Variants in CACNA1C observed in about 807,000 individuals in gnomAD.
CACNA1C encodes the protein calcium voltage-gated channel subunit alpha1 C.
A neutral mutation model predicts 229.0 loss-of-function variants in CACNA1C; 30 were observed. The observed-to-expected ratio is 0.13, with a 90% CI of 0.10 to 0.18. The LOEUF is 0.18. Ranked by LOEUF, CACNA1C falls within the 10% of genes least tolerant of loss-of-function variation. The pLI is 1.00. For synonymous variants in CACNA1C, 1,114 were observed against 1,132.5 expected, an observed-to-expected ratio of 0.98 and a Z score of 0.33; for missense variants, 1,658 against 2,845.0, an observed-to-expected ratio of 0.58 and a Z score of 9.49.
chr12:2,126,119 G>T (rs994855339), intron 3 of CACNA1C, among the ~76,000 whole-genome samples: 2 of 150,702 alleles, frequency 1.3e-5, no homozygotes, highest in Admixed American at 1.3e-4. Context: ...TTCCAGAATA[G>T]AGTTTTTTTT....
intron 1 of CACNA1C, among the ~76,000 whole-genome samples, chr12:1,987,728 C>A (rs550384728): frequency 6.6e-6 from 1 of 152,340 alleles, no homozygotes; most frequent in South Asian, 2.1e-4. Context: ...GATACACACA[C>A]ATACAACCCC....
intron 3 of CACNA1C, among the ~76,000 whole-genome samples, chr12:2,317,376 G>A (rs989449872): frequency 3.3e-5 from 5 of 152,300 alleles, no homozygotes; most frequent in African/African-American, 1.2e-4. Context: ...GACATGACGC[G>A]AAGAGAAATT....
chr12:2,191,767 C>T, intron 3 of CACNA1C, among the ~76,000 whole-genome samples: 1 of 151,196 alleles, frequency 6.6e-6, no homozygotes, highest in South Asian at 2.1e-4. Flanking sequence ...CACAGGCACA[C>T]CTCCACAGGC....
At chr12:2,355,511 AT>A (rs2097335728) in intron 3 of CACNA1C, among the ~76,000 whole-genome samples, 1 of 152,004 alleles carries the variant, frequency 6.6e-6, no homozygotes. Flanking sequence ...CTGCTGCTGT[AT>A]TTTTTCCTTA....
chr12:2,204,943 A>T (rs1246442755), intron 3 of CACNA1C, among the ~76,000 whole-genome samples: 13 of 131,190 alleles, frequency 9.9e-5, no homozygotes, highest in South Asian at 2.6e-4. Context: ...TTAATAAAAA[A>T]AAATAAATTA....
chr12:2,226,160 CACACACACACACAG>C (rs2062952401), intron 3 of CACNA1C, among the ~76,000 whole-genome samples: 1 of 151,266 alleles, frequency 6.6e-6, no homozygotes, highest in South Asian at 2.1e-4. Context: ...CACACACACA[CACACACACACACAG>C]TTTTCTTCAT....
In CACNA1C at chr12:2,647,945, T is replaced by G. The variant is rs2153635859; in HGVS notation, c.3913-530T>G. On this transcript the variant is annotated intron_variant, in intron 30 of 46. Coordinates refer to ENST00000399655, the MANE Select transcript of CACNA1C (RefSeq NM_000719.7). The surrounding 1 kb of genome is among the most constrained non-coding windows in gnomAD (Gnocchi z 4.2). ...GAGTTTGAGACCAGCCTGGGCAGTA[T>G]AGTGAGACCCTGTCTCTAAAAAAAT... Among the ~76,000 whole-genome samples the G allele has an allele frequency of 6.6e-6, 1 of 152,190 alleles. No homozygotes were observed. The highest frequency in any genetic ancestry group is 2.1e-4 in the South Asian group (1 of 4,824).
At chr12:2,239,289 G>A (rs955165854) in intron 3 of CACNA1C, among the ~76,000 whole-genome samples, 17 of 152,046 alleles carry the variant, frequency 1.1e-4, no homozygotes, top group African/African-American at 3.9e-4. Context: ...ATCGGGTACC[G>A]TGTCAGTCAC....
chr12:2,324,711 TAAAC>T (rs1193681804), intron 3 of CACNA1C, among the ~76,000 whole-genome samples: 1 of 151,860 alleles, frequency 6.6e-6, no homozygotes, highest in Non-Finnish European at 1.5e-5. Flanking sequence ...GCAAAGGAAA[TAAAC>T]AGGCCTCCAT....
intron 1 of CACNA1C, among the ~76,000 whole-genome samples, chr12:2,024,148 G>C (rs1481548561): frequency 6.6e-6 from 1 of 152,170 alleles, no homozygotes; most frequent in African/African-American, 2.4e-5. Flanking sequence ...TATTTACCTA[G>C]ATCTTTTCAT....
At chr12:1,994,600 T>C (rs747671732) in intron 1 of CACNA1C, among the ~76,000 whole-genome samples, 2 of 152,226 alleles carry the variant, frequency 1.3e-5, no homozygotes, top group Non-Finnish European at 2.9e-5. Flanking sequence ...AGGGGTCTTC[T>C]GGAACTGTCA....
chr12:2,527,667 A>T (rs1188396161), intron 9 of CACNA1C, among the ~76,000 whole-genome samples: 1 of 152,238 alleles, frequency 6.6e-6, no homozygotes, highest in Non-Finnish European at 1.5e-5. Flanking sequence ...AGTCTCAATG[A>T]ATTTACTAAT....
At chr12:1,976,341 C>T (rs1205370208) in intron 1 of CACNA1C, among the ~76,000 whole-genome samples, 1 of 152,148 alleles carries the variant, frequency 6.6e-6, no homozygotes, top group East Asian at 1.9e-4. Context: ...GATTCAGTGA[C>T]CACATTATGA....
intron 1 of CACNA1C, among the ~76,000 whole-genome samples, chr12:2,111,472 T>G (rs1446312818): frequency 2.6e-5 from 4 of 151,474 alleles, no homozygotes; most frequent in African/African-American, 9.7e-5. Context: ...CTGGGACTCT[T>G]GGTTTTTGGA....
Position 2,053,866 on chromosome 12 carries a change from G to A in CACNA1C, c.49+255G>A, listed in dbSNP as rs11062092. Among the ~76,000 whole-genome samples, 150,280 of 150,436 alleles carry A rather than the reference G, an allele frequency of 1. 75,063 individuals are homozygous for A. The highest frequency in any genetic ancestry group is 1 in the Middle Eastern group (292 of 292). On this transcript the variant is annotated intron_variant, in intron 1 of 46. Coordinates refer to ENST00000399655, the MANE Select transcript of CACNA1C (RefSeq NM_000719.7). The surrounding 1 kb of genome is among the most constrained non-coding windows in gnomAD (Gnocchi z 5.8). ...AGCTTCTCCAGAGCATGTGTTTCCT[G>A]TGAAATTCCAGGCGAGGGGGGAAAA...
chr12:2,004,134 T>C, intron 1 of CACNA1C: 5 of 1,090,568 alleles, frequency 4.6e-6, no homozygotes, highest in South Asian at 3.1e-5. Flanking sequence ...AGACCCCATC[T>C]CCACAACTTC....
rs369690952 is a variant in CACNA1C, at chr12:2,688,638, C to T, written c.5976C>T (p.Cys1992=). 4.2e-5 allele frequency: 67 copies of T among 1,613,784 alleles called. No individual in the cohort carries two copies. Among genetic ancestry groups the T allele is most frequent in the Non-Finnish European group, 5.1e-5 (60 of 1,179,880 alleles). The change falls in exon 46 of 47, where the codon TGC becomes TGT. Residue 1992 remains cysteine, a synonymous_variant. Coordinates refer to ENST00000399655, the MANE Select transcript of CACNA1C (RefSeq NM_000719.7). ...KLNSSFPSIH[C]GSWAETTPGG... ...ACAGCAGCTTCCCATCCATCCACTG[C>T]GGCTCCTGGGCTGAGACCACCCCCG...
chr12:2,400,774 C>T (rs1198031921), intron 3 of CACNA1C, among the ~76,000 whole-genome samples: 1 of 152,148 alleles, frequency 6.6e-6, no homozygotes, highest in African/African-American at 2.4e-5. Flanking sequence ...ACGGCCCTGA[C>T]AGTGCCTGAC....
intron 5 of CACNA1C, among the ~76,000 whole-genome samples, chr12:2,458,233 G>A (rs982219432): frequency 5.3e-5 from 8 of 152,168 alleles, no homozygotes; most frequent in Admixed American, 4.6e-4. Flanking sequence ...GAAATACCAC[G>A]CCTGTCATTG....
Sources: allele counts gnomAD v4.1 joint callset (sites outside exome capture counted in the v4.1 genomes callset), GRCh38; gene constraint gnomAD v4.1.1; non-coding constraint Gnocchi (gnomAD v3.1); transcripts MANE v1.5; gene names NCBI Gene and HGNC (gene_info 2026-07-23, HGNC 2026-07-21).